Variants in CLUH observed in about 807,000 individuals in gnomAD.
CLUH encodes CLUH binding protein of NUMT mRNA, also known as clustered mitochondria protein homolog.
A neutral mutation model predicts 139.3 loss-of-function variants in CLUH; 77 were observed. That is an observed-to-expected ratio of 0.55 (90% CI 0.46 to 0.67). The LOEUF (loss-of-function observed/expected upper bound fraction) is 0.67, where lower values mean the gene tolerates loss of function less well. Ranked by LOEUF, CLUH falls within the 30% of genes least tolerant of loss-of-function variation. CLUH has a pLI of 0.00. For synonymous variants in CLUH, 999 were observed against 801.6 expected, an observed-to-expected ratio of 1.25 and a Z score of -4.16; for missense variants, 1,876 against 1,875.8, an observed-to-expected ratio of 1.00 and a Z score of 0.00.
chr17:2,697,849 C>G, intron 10 of CLUH, 47 bp downstream of exon 10: 1 of 1,435,308 alleles, frequency 7.0e-7, no homozygotes, highest in Non-Finnish European at 9.1e-7. Context: ...GGCGCCCGCA[C>G]TCCCTGCAGC....
rs370810246 is a variant in CLUH at position 2,696,939 on chromosome 17, G to A, written c.1965C>T (p.Tyr655=). The A allele has an allele frequency of 1.1e-5, 17 of 1,578,228 alleles. 1 individual carries two copies. Among genetic ancestry groups the A allele is most frequent in the Admixed American group, 5.5e-5 (3 of 54,986 alleles). The change falls in exon 11 of 26, where the codon TAC becomes TAT. Residue 655 remains tyrosine (Y), a synonymous_variant. Transcript: ENST00000651024. ...ELVDAFVEHR[Y]LLFMKLAALQ... is the part of the protein sequence containing the mutation. ...AGGCGGCCAGCTTCATAAAGAGGAG[G>A]TACCTGGAGCAGAGGAAACAGGGCA...
chr17:2,692,579 G>C lies in CLUH; in HGVS notation c.3430C>G (p.Leu1144Val). 6.2e-7 allele frequency: 1 copy of C among 1,611,714 alleles called. No homozygotes were observed. The highest frequency in any genetic ancestry group is 8.5e-7 in the Non-Finnish European group (1 of 1,179,296). The change falls in exon 21 of 26, where the codon CTG (leucine) becomes GTG (valine). Residue 1144 changes from leucine (L) to valine (V), a missense_variant. Transcript: ENST00000651024. ...VFGEDHPEMA[L>V]LDNNIGLVLH... ...CCCGCCCCAGCACTCACGTCCAGCAGCGCCATCTCGGGGTGGTCTTCCCCG... is the reference window on the plus strand; with the variant it reads ...CCCGCCCCAGCACTCACGTCCAGCACCGCCATCTCGGGGTGGTCTTCCCCG...
chr17:2,707,849 G>A lies in CLUH; in HGVS notation c.101-3285C>T, dbSNP rs2070392804. 3.0e-6 allele frequency: 3 copies of A among 985,350 alleles called. No homozygotes were observed. Among genetic ancestry groups the A allele is most frequent in the Non-Finnish European group, 3.6e-6 (3 of 829,940 alleles). 61.0% of individuals were successfully genotyped at this position (985,350 alleles called of 1,614,324 possible). A position where few individuals can be genotyped will look rare whatever the true frequency, so the allele number is the denominator to read the frequency against. On this transcript the variant is annotated intron_variant, in intron 1 of 25. Coordinates refer to ENST00000651024, the MANE Select transcript of CLUH (RefSeq NM_001366661.1). The surrounding 1 kb of genome is among the most constrained non-coding windows in gnomAD (Gnocchi z 7.4). The stretch of plus-strand genomic sequence containing the variant: ...CCTGCTGCCCCCTGCAGGTGACCTG[G>A]CTGCCAGCCCCTTCCTGGGAGTCAC...
Position 2,692,497 on chromosome 17 carries a change from T to TG in CLUH, c.3439-16dup, listed in dbSNP as rs71377527. On this transcript the variant is annotated splice_polypyrimidine_tract_variant and intron_variant, in intron 21 of 25. Coordinates refer to ENST00000651024, the MANE Select transcript of CLUH (RefSeq NM_001366661.1). ...CCGATGTTGTTCTGGGGGCAGGCGG[T>TG]GGGGGGCCCTGGTCAGCTCCCGGTC... 6 of 1,596,004 alleles carry TG rather than the reference T, an allele frequency of 3.8e-6. No individual in the cohort carries two copies. The highest frequency in any genetic ancestry group is 1.1e-5 in the South Asian group (1 of 90,614).
rs2069537266 is a variant in CLUH at position 2,689,483 on chromosome 17, GCTTGC to G, written c.*1106_*1110del. 6.5e-6 allele frequency: 1 copy of G among 152,676 alleles called. No individual in the cohort carries two copies. The highest frequency in any genetic ancestry group is 2.4e-5 in the African/African-American group (1 of 41,444). The allele number at this position is 152,676 out of a possible 1,614,324, so 9.5% of individuals were successfully genotyped here. ...TCTTGCTCAGCGGTGGGGATGCTCT[GCTTGC>G]CCGCTCACGCCCATCCCCCTTGAAA... On this transcript the variant is annotated 3_prime_UTR_variant, in exon 26 of 26. Transcript: ENST00000651024.
intron 23 of CLUH, 31 bp from the exon 24 acceptor site, chr17:2,691,926 C>A (rs540128789): frequency 1.1e-5 from 13 of 1,156,396 alleles, no homozygotes; most frequent in East Asian, 4.1e-5. Flanking sequence ...ATCAGGCCCC[C>A]CCGTGCCCCC....
intron 25 of CLUH, 109 bp from the exon 26 acceptor site, chr17:2,690,886 G>A (rs899902727): frequency 2.4e-6 from 2 of 843,524 alleles, no homozygotes; most frequent in Non-Finnish European, 3.3e-6. Flanking sequence ...CTATTCAGTG[G>A]GGAATGTGTG....
Position 2,700,396 on chromosome 17 carries a change from T to C in CLUH, c.1252A>G (p.Arg418Gly). 6.2e-7 allele frequency: 1 copy of C among 1,612,998 alleles called. No individual in the cohort carries two copies. The highest frequency in any genetic ancestry group is 1.1e-5 in the South Asian group (1 of 90,880). The change falls in exon 9 of 26, where the codon AGG becomes GGG. Residue 418 changes from arginine to glycine, a missense_variant. Physicochemically the swap from Arg to Gly is moderately radical, Grantham distance 125. Around this residue, in one of 3 missense-constraint regions of CLUH, gnomAD observed 1,454 missense variants for 1,384.4 expected, o/e 1.05. Coordinates refer to ENST00000651024, the MANE Select transcript of CLUH (RefSeq NM_001366661.1). ...GCTGCAGGCACCTTGAATATGGCCC[T>C]TTCTCGGAGCAGCCGCTCAGGCAGG... ...KNLPERLLRE[R>G]AIFKVHSDFT...
chr17:2,692,324 T>A (rs1484929421), intron 22 of CLUH, 37 bp downstream of exon 22: 8 of 1,504,348 alleles, frequency 5.3e-6, no homozygotes, highest in East Asian at 2.4e-5. Context: ...CCCGCAGGCC[T>A]CCGCCGGCCT....
In CLUH at chr17:2,696,374, G is replaced by GC. The variant is rs970712643; in HGVS notation, c.2290+59dup. The GC allele has an allele frequency of 2.2e-5, 34 of 1,518,966 alleles. No homozygotes were observed. In the Middle Eastern group the frequency reaches 5.2e-4, roughly 23 times the overall value. 94.1% of individuals were successfully genotyped at this position (1,518,966 alleles called of 1,614,324 possible). A position where few individuals can be genotyped will look rare whatever the true frequency, so the allele number is the denominator to read the frequency against. On this transcript the variant is annotated intron_variant, in intron 12 of 25. Coordinates refer to ENST00000651024, the MANE Select transcript of CLUH (RefSeq NM_001366661.1). ...AAACCCACCAGCCCCAAGGGCCCAG[G>GC]CCCCCCAGCGAAGCTCTGGCCCTGG...
At position 2,698,590 on chromosome 17, in the gene CLUH, C is replaced by G; in HGVS notation, c.1267G>C (p.Val423Leu). 6.3e-7 allele frequency: 1 copy of G among 1,595,410 alleles called. No individual in the cohort carries two copies. The highest frequency in any genetic ancestry group is 8.5e-7 in the Non-Finnish European group (1 of 1,170,244). ...RLLRERAIFK[V>L]HSDFTAAATR... The stretch of plus-strand genomic sequence containing the variant: ...GCTGCCGCGGTGAAGTCGCTGTGCA[C>G]CTGGCGGGGGTCGAGGAGGGCAGGG... The change falls in exon 10 of 26, where the codon GTG becomes CTG. Residue 423 changes from valine (V) to leucine (L), a missense_variant and splice_region_variant. Physicochemically the swap from Val to Leu is conservative, Grantham distance 32 (BLOSUM62 1). Around this residue, in one of 3 missense-constraint regions of CLUH, gnomAD observed 1,454 missense variants for 1,384.4 expected, o/e 1.05. Transcript: ENST00000651024.
rs759921686 is a variant in CLUH at position 2,698,213 on chromosome 17, G to A, written c.1644C>T (p.Thr548=). ...VIYGSIDFGK[T]VVSHPRYLEL... ...CCAGGTACCGCGGGTGTGACACCACGGTCTTGCCGAAGTCGATGGAGCCGT... is the reference window on the plus strand; with the variant it reads ...CCAGGTACCGCGGGTGTGACACCACAGTCTTGCCGAAGTCGATGGAGCCGT... The change falls in exon 10 of 26, where the codon ACC becomes ACT. Residue 548 remains threonine, a synonymous_variant. Transcript: ENST00000651024. 4.4e-6 allele frequency: 7 copies of A among 1,582,966 alleles called. No homozygotes were observed. The Admixed American group carries it at 9.1e-5, about 20-fold the overall frequency.
At chr17:2,692,326 C>T (rs1277535931) in intron 22 of CLUH, 35 bp downstream of exon 22, 20 of 1,509,762 alleles carry the variant, frequency 1.3e-5, no homozygotes, top group Non-Finnish European at 1.8e-5. Context: ...CGCAGGCCTC[C>T]GCCGGCCTTG....
chr17:2,690,324 C>T lies in CLUH; in HGVS notation c.*270G>A. On this transcript the variant is annotated 3_prime_UTR_variant, in exon 26 of 26. Coordinates refer to ENST00000651024, the MANE Select transcript of CLUH (RefSeq NM_001366661.1). The stretch of plus-strand genomic sequence containing the variant: ...GGCCGGACGGCGGGGGCCGAAGCAA[C>T]ACCTGCCCCCCAGCCGGGAACTGAT... 3 of 401,344 alleles carry T rather than the reference C, an allele frequency of 7.5e-6. No individual in the cohort carries two copies. Among genetic ancestry groups the T allele is most frequent in the Non-Finnish European group, 1.3e-5 (3 of 227,200 alleles). 24.9% of individuals were successfully genotyped at this position (401,344 alleles called of 1,614,324 possible).
In CLUH at chr17:2,696,864, C is replaced by T; in HGVS notation, c.2040G>A (p.Leu680=). 1.2e-6 allele frequency: 2 copies of T among 1,613,378 alleles called. No individual in the cohort carries two copies. The highest frequency in any genetic ancestry group is 1.7e-6 in the Non-Finnish European group (2 of 1,179,834). The change falls in exon 11 of 26, where the codon CTG becomes CTA. Residue 680 remains leucine (L), a synonymous_variant. Transcript: ENST00000651024. Reference sequence around the variant, plus strand: ...CCAAGGAGGAAGGACCACCATTTTCCAGGGAGGAGGGGGTCTCCAGCTGGC... The same window carrying T: ...CCAAGGAGGAAGGACCACCATTTTCTAGGGAGGAGGGGGTCTCCAGCTGGC... The part of the protein sequence containing the change: ...NASQLETPSS[L]ENGGPSSLES...
Position 2,691,958 on chromosome 17 carries a change from CACG to C in CLUH, c.3654+43_3654+45del, listed in dbSNP as rs751721366. The stretch of plus-strand genomic sequence containing the variant: ...CCCCGCGGCCCCGCCCCCGCCCCGC[CACG>C]CCCCCGCCCCGCCCCCGCCCCCGCC... On this transcript the variant is annotated intron_variant, in intron 23 of 25. Coordinates refer to ENST00000651024, the MANE Select transcript of CLUH (RefSeq NM_001366661.1). 3,674 of 407,684 alleles carry C rather than the reference CACG, an allele frequency of 9.0e-3. 290 individuals carry two copies. The highest frequency in any genetic ancestry group is 0.06 in the Middle Eastern group (74 of 1,236). 25.3% of individuals were successfully genotyped at this position (407,684 alleles called of 1,614,324 possible). A position where few individuals can be genotyped will look rare whatever the true frequency, so the allele number is the denominator to read the frequency against.
At chr17:2,710,997 A>G (rs2070500110) in intron 1 of CLUH, 1 of 152,472 alleles carries the variant, frequency 6.6e-6, no homozygotes, top group Non-Finnish European at 1.5e-5. Context: ...ACCTGCGGTT[A>G]TAGCCTGGCC....
upstream of CLUH, chr17:2,711,972 G>A (rs1451779679): frequency 6.6e-6 from 1 of 152,322 alleles, no homozygotes. Flanking sequence ...CGCGGGGCGG[G>A]GCCTCGGGGA....
At position 2,694,846 on chromosome 17, in the gene CLUH, C is replaced by T; in HGVS notation, c.2852+11G>A. 4.7e-6 allele frequency: 7 copies of T among 1,498,620 alleles called. No homozygotes were observed. Among genetic ancestry groups the T allele is most frequent in the African/African-American group, 1.4e-5 (1 of 72,038 alleles). 92.8% of individuals were successfully genotyped at this position (1,498,620 alleles called of 1,614,324 possible). The stretch of plus-strand genomic sequence containing the variant: ...ATCCCACCCACCCCACCGCCCCTGC[C>T]CCGCACGCACCACTCGAGGTCGAAG... On this transcript the variant is annotated intron_variant, in intron 16 of 25. Transcript: ENST00000651024.
Sources: allele counts gnomAD v4.1 joint callset, GRCh38; gene constraint gnomAD v4.1.1; regional missense constraint gnomAD v4.1.1; non-coding constraint Gnocchi (gnomAD v3.1); transcripts MANE v1.5; gene names NCBI Gene and HGNC (gene_info 2026-07-23, HGNC 2026-07-21).